Variants in MFN1 observed in about 807,000 individuals in gnomAD.
MFN1 encodes mitofusin-1.
A neutral mutation model predicts 92.4 loss-of-function variants in MFN1; 65 were observed. That is an observed-to-expected ratio of 0.70 (90% confidence interval 0.58 to 0.86). The LOEUF (loss-of-function observed/expected upper bound fraction) is 0.86. Ranked by LOEUF, MFN1 falls within the 40% of genes least tolerant of loss-of-function variation. MFN1 has a pLI of 0.00. For synonymous variants in MFN1, 297 were observed against 300.9 expected (o/e 0.99, Z 0.13); for missense variants, 781 against 868.0 (o/e 0.90, Z 1.26).
rs182137786 is a variant in MFN1, at chr3:179,394,589, G to A, written c.*2530G>A. ...CGCCACCACGCCCGGCTAATTTTTT[G>A]TATTTTTAGTAGAGACGGGGTTTCA... On this transcript the variant is annotated 3_prime_UTR_variant, in exon 18 of 18. Coordinates refer to ENST00000471841, the MANE Select transcript of MFN1 (RefSeq NM_033540.3). 1.5e-4 allele frequency: 23 copies of A among 151,428 alleles called. No homozygotes were observed. The highest frequency in any genetic ancestry group is 5.3e-4 in the African/African-American group (22 of 41,292). The allele number at this position is 151,428 out of a possible 1,614,324, so 9.4% of individuals were successfully genotyped here.
At chr3:179,371,955 A>G (rs954722712) in intron 9 of MFN1, among the ~76,000 whole-genome samples, 1 of 150,918 alleles carries the variant, frequency 6.6e-6, no homozygotes, top group African/African-American at 2.4e-5. Context: ...AAAATAATAC[A>G]TAAGTATATA....
intron 14 of MFN1, among the ~76,000 whole-genome samples, chr3:179,381,769 T>C (rs1336230027): frequency 6.6e-6 from 1 of 152,256 alleles, no homozygotes; most frequent in Non-Finnish European, 1.5e-5. Context: ...AGGCTATGCA[T>C]ATAAGGTATA....
intron 9 of MFN1, among the ~76,000 whole-genome samples, chr3:179,374,069 G>A (rs1713126768): frequency 6.6e-6 from 1 of 151,588 alleles, no homozygotes; most frequent in South Asian, 2.1e-4. Flanking sequence ...TTGTGAGACT[G>A]AGACAGGCAG....
At position 179,378,696 on chromosome 3, in the gene MFN1, A is replaced by G. The variant is rs1447415531; in HGVS notation, c.1544A>G (p.Asp515Gly). 2 of 1,613,748 alleles carry G rather than the reference A, an allele frequency of 1.2e-6. No individual in the cohort carries two copies. The highest frequency in any genetic ancestry group is 2.7e-5 in the African/African-American group (2 of 74,896). ...CTAAATTACCACAAGTTATGTTCAG[A>G]TTTTCAAGAGGATATTGTATTTCGT... The part of the protein sequence containing the change: ...YNLNYHKLCS[D>G]FQEDIVFRFS... The change falls in exon 14 of 18, where the codon GAT (aspartate) becomes GGT (glycine). Residue 515 changes from aspartate to glycine, a missense_variant. Asp to Gly is a moderately conservative substitution (Grantham distance 94). Transcript: ENST00000471841.
chr3:179,371,228 G>T (rs1713011743), intron 9 of MFN1, among the ~76,000 whole-genome samples: 1 of 152,188 alleles, frequency 6.6e-6, no homozygotes, highest in Admixed American at 6.5e-5. Context: ...ATATTAGCCT[G>T]GGCATTGGTG....
Position 179,377,183 on chromosome 3 carries a change from C to T in MFN1, c.1224+15C>T. ...TGGCAAACAAAGTGGGTAACAGTAG[C>T]TTCATGATTAAAATAACCTGGATGG... On this transcript the variant is annotated intron_variant, in intron 11 of 17. Coordinates refer to ENST00000471841, the MANE Select transcript of MFN1 (RefSeq NM_033540.3). The T allele has an allele frequency of 1.9e-6, 3 of 1,605,910 alleles. No homozygotes were observed. The highest frequency in any genetic ancestry group is 2.5e-6 in the Non-Finnish European group (3 of 1,177,274).
intron 9 of MFN1, 31 bp from the exon 10 acceptor site, chr3:179,375,189 A>G (rs766857292): frequency 5.1e-6 from 8 of 1,568,800 alleles, no homozygotes; most frequent in African/African-American, 1.4e-5. Flanking sequence ...ATGGAATTAC[A>G]GTAATGTGTT....
At position 179,364,210 on chromosome 3, in the gene MFN1, C is replaced by T. The variant is rs556399998; in HGVS notation, c.537-87C>T. Reference sequence around the variant, plus strand: ...GCTGGAAATCCTGGTTTTTAAACTTCAAATTATATATAAAAGCTGAAAAAA... The same window carrying T: ...GCTGGAAATCCTGGTTTTTAAACTTTAAATTATATATAAAAGCTGAAAAAA... On this transcript the variant is annotated intron_variant, in intron 5 of 17. Coordinates refer to ENST00000471841, the MANE Select transcript of MFN1 (RefSeq NM_033540.3). The T allele has an allele frequency of 2.2e-5, 18 of 826,716 alleles. No homozygotes were observed. The East Asian group carries it at 4.6e-4, about 21-fold the overall frequency. 51.2% of individuals were successfully genotyped at this position (826,716 alleles called of 1,614,324 possible). A position where few individuals can be genotyped will look rare whatever the true frequency, so the allele number is the denominator to read the frequency against.
chr3:179,391,061 C>T (rs1426970221), intron 17 of MFN1, among the ~76,000 whole-genome samples: 1 of 152,178 alleles, frequency 6.6e-6, no homozygotes, highest in African/African-American at 2.4e-5. Flanking sequence ...TATTAGATTG[C>T]TCCTATTTTA....
intron 16 of MFN1, among the ~76,000 whole-genome samples, chr3:179,387,749 G>A (rs1165020666): frequency 2.4e-5 from 3 of 126,796 alleles, no homozygotes; most frequent in Admixed American, 8.2e-5. Context: ...TTTTTTTTGA[G>A]ATGGAGTCTC....
In MFN1 at chr3:179,386,687, G is replaced by A. The variant is rs1022247310; in HGVS notation, c.2012+58G>A. The A allele has an allele frequency of 4.8e-6, 7 of 1,443,514 alleles. 1 individual carries two copies. The highest frequency in any genetic ancestry group is 6.6e-6 in the Non-Finnish European group (7 of 1,057,596). The allele number at this position is 1,443,514 out of a possible 1,614,324, so 89.4% of individuals were successfully genotyped here. ...AAAGTTACTGAAATATGACATACAT[G>A]CAGAAAAAGCACAAAATAAGTGTAT... On this transcript the variant is annotated intron_variant, in intron 16 of 17. Coordinates refer to ENST00000471841, the MANE Select transcript of MFN1 (RefSeq NM_033540.3).
At chr3:179,390,458 T>C (rs1391011174) in intron 17 of MFN1, among the ~76,000 whole-genome samples, 3 of 152,214 alleles carry the variant, frequency 2.0e-5, no homozygotes, top group African/African-American at 4.8e-5. Flanking sequence ...AGAAGTTGTA[T>C]AATTAAAAGT....
chr3:179,353,416 C>T (rs923911681), intron 3 of MFN1, among the ~76,000 whole-genome samples: 9 of 151,732 alleles, frequency 5.9e-5, no homozygotes, highest in Non-Finnish European at 8.8e-5. Flanking sequence ...CCATGTTGGC[C>T]AGGCTGGTCT....
At chr3:179,375,421 T>C (rs1713202469) in intron 10 of MFN1, 80 bp downstream of exon 10, 1 of 1,522,992 alleles carries the variant, frequency 6.6e-7, no homozygotes, top group Non-Finnish European at 9.0e-7. Flanking sequence ...TAAATTGTTG[T>C]ACTATAAATA....
In MFN1 at chr3:179,385,723, T is replaced by A. The variant is rs1402635470; in HGVS notation, c.1815+2T>A. ...GGCATCATTATTGTTGGAGGAGTGG[T>A]AAGAAACATTACTTTTAGTATAATT... is the stretch of plus-strand genomic sequence containing the variant. On this transcript the variant is annotated splice_donor_variant, in intron 15 of 17. Transcript: ENST00000471841. LOFTEE classifies it high-confidence loss of function. 5.0e-6 allele frequency: 8 copies of A among 1,611,306 alleles called. No individual in the cohort carries two copies. Among genetic ancestry groups the A allele is most frequent in the Non-Finnish European group, 6.8e-6 (8 of 1,179,216 alleles).
rs770549560 is a variant in MFN1 at position 179,385,557 on chromosome 3, T to TG, written c.1663-12_1663-11insG. On this transcript the variant is annotated splice_polypyrimidine_tract_variant and intron_variant, in intron 14 of 17. Transcript: ENST00000471841. ...AGTGTAATCTTTTTTCCTTTCTCTTTTTTTTTGGCAGCTCCCTAGATCTTT... is the reference window on the plus strand; with the variant it reads ...AGTGTAATCTTTTTTCCTTTCTCTTTGTTTTTTGGCAGCTCCCTAGATCTTT... 21 of 1,569,818 alleles carry TG rather than the reference T, an allele frequency of 1.3e-5. 1 individual carries two copies. The African/African-American group carries it at 2.5e-4, about 19-fold the overall frequency.
Position 179,386,622 on chromosome 3 carries a change from G to T in MFN1, c.2005G>T (p.Val669Leu), listed in dbSNP as rs757001848. ...CACGAGTGCAAACTGCAGTCACCAA[G>T]TAAAACAGTAAGTTGGAAGGTGCAT... is the stretch of plus-strand genomic sequence containing the variant. The part of the protein sequence containing the change: ...SSTSANCSHQ[V>L]KQQIATTFAR... The change falls in exon 16 of 18, where the codon GTA becomes TTA. Residue 669 changes from valine to leucine, a missense_variant. Physicochemically the swap from Val to Leu is conservative, Grantham distance 32. Transcript: ENST00000471841. 1 of 1,605,820 alleles carries T rather than the reference G, an allele frequency of 6.2e-7. No individual in the cohort carries two copies. Among genetic ancestry groups the T allele is most frequent in the South Asian group, 1.1e-5 (1 of 89,938 alleles).
intron 14 of MFN1, among the ~76,000 whole-genome samples, chr3:179,382,493 C>T (rs1328250419): frequency 6.6e-6 from 1 of 152,158 alleles, no homozygotes; most frequent in African/African-American, 2.4e-5. Context: ...TGGGTTGGTT[C>T]CAAGTCTTTG....
Position 179,368,047 on chromosome 3 carries a change from G to A in MFN1, c.919G>A (p.Ala307Thr). The A allele has an allele frequency of 2.6e-6, 4 of 1,568,024 alleles. No homozygotes were observed. Among genetic ancestry groups the A allele is most frequent in the East Asian group, 2.4e-5 (1 of 41,646 alleles). The change falls in exon 9 of 18, where the codon GCT (alanine) becomes ACT (threonine). Residue 307 changes from alanine (A) to threonine (T), a missense_variant. Ala to Thr is a moderately conservative substitution (Grantham distance 58). Coordinates refer to ENST00000471841, the MANE Select transcript of MFN1 (RefSeq NM_033540.3). ...QGMPESGVAL[A>T]EGFHARLQEF... ...CCTGTACGTTACAGGTGTGGCACTT[G>A]CTGAAGGATTTCATGCAAGATTACA...
Sources: gnomAD v4.1 joint callset for allele counts (sites outside exome capture counted in the v4.1 genomes callset) on GRCh38, gnomAD v4.1.1 for gene constraint, MANE v1.5 for transcripts, NCBI Gene and HGNC (gene_info 2026-07-23, HGNC 2026-07-21) for gene names.